The following GAB3 variants were observed in gnomAD, a reference collection of about 807,000 sequenced individuals.
GAB3 encodes the protein GRB2-associated-binding protein 3.
A neutral mutation model predicts 40.4 loss-of-function variants in GAB3; 12 were observed. That is an observed-to-expected ratio of 0.30 (90% CI 0.19 to 0.48). GAB3 has a LOEUF of 0.48. Among genes scored for constraint, GAB3 ranks in the 20% least tolerant of loss-of-function variants. GAB3 has a pLI of 0.99. For synonymous variants in GAB3, 154 were observed against 176.7 expected (o/e 0.87, Z 1.02); for missense variants, 381 against 461.9 (o/e 0.82, Z 1.61).
chrX:154,730,771 T>C (rs1173873542), intron 1 of GAB3, among the ~76,000 whole-genome samples: 1 of 112,133 alleles, frequency 8.9e-6, no homozygotes, highest in Non-Finnish European at 1.9e-5. Flanking sequence ...CCTGGCTCAA[T>C]GCCACTAGCC....
At chrX:154,686,314 T>C (rs1477994551) in intron 8 of GAB3, among the ~76,000 whole-genome samples, 1 of 108,968 alleles carries the variant, frequency 9.2e-6, no homozygotes, top group Non-Finnish European at 1.9e-5. Context: ...CAAGACTGGC[T>C]TAAAGCCTGG....
At chrX:154,682,475 G>A (rs1439595775) in intron 8 of GAB3, among the ~76,000 whole-genome samples, 2 of 111,331 alleles carry the variant, frequency 1.8e-5, no homozygotes, top group African/African-American at 3.3e-5. Context: ...TATGAGGTTA[G>A]AGAAAATTCC....
intron 5 of GAB3, 60 bp from the exon 6 acceptor site, chrX:154,699,573 G>A: frequency 2.0e-6 from 2 of 999,989 alleles, no homozygotes; most frequent in Non-Finnish European, 2.8e-6. Context: ...TGCTATCAGA[G>A]GGCGGCCAAA....
In GAB3 at chrX:154,716,258, G is replaced by A; in HGVS notation, c.144C>T (p.Tyr48=). Reference sequence around the variant, plus strand: ...TGGGCTTGCTGGAGTGCTTGTTCCTGTAGTACTCCAAGACATCGGGGTTGC... The same window carrying A: ...TGGGCTTGCTGGAGTGCTTGTTCCTATAGTACTCCAAGACATCGGGGTTGC... ...MSGNPDVLEY[Y]RNKHSSKPIR... is the part of the protein sequence containing the mutation. The change falls in exon 2 of 10, where the codon TAC becomes TAT. Residue 48 remains tyrosine (Y), a synonymous_variant. Transcript: ENST00000424127. The A allele has an allele frequency of 8.2e-7, 1 of 1,212,191 alleles. No individual in the cohort carries two copies. Among genetic ancestry groups the A allele is most frequent in the Non-Finnish European group, 1.1e-6 (1 of 895,208 alleles).
chrX:154,676,607 C>T lies in GAB3; in HGVS notation c.*1571G>A, dbSNP rs1446023113. The T allele has an allele frequency of 1.8e-5, 2 of 112,138 alleles. No individual in the cohort carries two copies. Among genetic ancestry groups the T allele is most frequent in the East Asian group, 5.6e-4 (2 of 3,596 alleles). 9.2% of individuals were successfully genotyped at this position (112,138 alleles called of 1,213,427 possible). ...CCTGCTTCTTTGAAAATCAAAACGG[C>T]TTCTTTGAAAATCAAAATGACTTCT... On this transcript the variant is annotated 3_prime_UTR_variant, in exon 10 of 10. Transcript: ENST00000424127.
intron 9 of GAB3, 134 bp downstream of exon 9, chrX:154,679,998 G>A (rs2070352053): frequency 3.0e-5 from 14 of 473,306 alleles, no homozygotes; most frequent in Admixed American, 1.3e-4. Flanking sequence ...GATGAGGGCC[G>A]ATTTTAATAT....
At chrX:154,706,090 G>C (rs1245991736) in intron 4 of GAB3, among the ~76,000 whole-genome samples, 1 of 111,771 alleles carries the variant, frequency 8.9e-6, no homozygotes, top group Non-Finnish European at 1.9e-5. Context: ...GAATTGAAGA[G>C]GACACAAACA....
chrX:154,716,049 A>C lies in GAB3; in HGVS notation c.353T>G (p.Leu118Arg), dbSNP rs1255053687. 1.7e-6 allele frequency: 2 copies of C among 1,210,071 alleles called. No homozygotes were observed. The highest frequency in any genetic ancestry group is 2.2e-6 in the Non-Finnish European group (2 of 894,863). ...ACCTGCACCATCCTCCAGGTGGCCA[A>C]GGTTGCAGACCTGACTGATGCTGTG... The part of the protein sequence containing the change: ...WVHSISQVCN[L>R]GHLEDGAADS... The change falls in exon 2 of 10, where the codon CTT becomes CGT. Residue 118 changes from leucine to arginine, a missense_variant. Physicochemically the swap from Leu to Arg is moderately radical, Grantham distance 102 (BLOSUM62 -2). Coordinates refer to ENST00000424127, the MANE Select transcript of GAB3 (RefSeq NM_001081573.3).
chrX:154,730,051 G>A lies in GAB3; in HGVS notation c.73-13722C>T, dbSNP rs182876781. Among the ~76,000 whole-genome samples, 9 of 112,149 alleles carry A rather than the reference G, an allele frequency of 8.0e-5. No individual in the cohort carries two copies. In the East Asian group the frequency reaches 2.5e-3, roughly 31 times the overall value. ...CCACGCTCTGCAGTTTGCTGTGGGG[G>A]TATCTGCAGGGAAACAGTCATGTGC... On this transcript the variant is annotated intron_variant, in intron 1 of 9. Coordinates refer to ENST00000424127, the MANE Select transcript of GAB3 (RefSeq NM_001081573.3).
chrX:154,699,876 T>TCCCC, intron 5 of GAB3, 128 bp downstream of exon 5: 1 of 586,383 alleles, frequency 1.7e-6, no homozygotes, highest in Non-Finnish European at 2.8e-6. Context: ...AGTTCAAGTC[T>TCCCC]TCAGGGGAGA....
intron 1 of GAB3, among the ~76,000 whole-genome samples, chrX:154,719,857 T>A (rs1267298719): frequency 9.0e-6 from 1 of 111,564 alleles, no homozygotes; most frequent in African/African-American, 3.3e-5. Context: ...TGAAGCTTTT[T>A]ACAGTGAAAC....
chrX:154,735,942 C>T (rs1557260477), intron 1 of GAB3, among the ~76,000 whole-genome samples: 1 of 112,299 alleles, frequency 8.9e-6, no homozygotes, highest in African/African-American at 3.2e-5. Context: ...TTGTCCATCC[C>T]CTCCCATGAT....
chrX:154,739,988 T>A (rs2071414177), intron 1 of GAB3, among the ~76,000 whole-genome samples: 1 of 112,811 alleles, frequency 8.9e-6, no homozygotes. Flanking sequence ...TATCATCTAT[T>A]GATTTTTCAA....
At chrX:154,712,786 C>T (rs185978397) in intron 3 of GAB3, 85 bp from the exon 4 acceptor site, 1 of 532,268 alleles carries the variant, frequency 1.9e-6, no homozygotes, top group Admixed American at 4.6e-5. Flanking sequence ...CCCATCTCCC[C>T]AGTACCACCT....
chrX:154,682,886 G>A (rs1557247072), intron 8 of GAB3, among the ~76,000 whole-genome samples: 3 of 111,545 alleles, frequency 2.7e-5, no homozygotes. Flanking sequence ...GCTGAGGCAG[G>A]AGAATTGCTT....
At chrX:154,694,465 C>G (rs2070621823) in intron 8 of GAB3, among the ~76,000 whole-genome samples, 1 of 109,856 alleles carries the variant, frequency 9.1e-6, no homozygotes, top group South Asian at 3.9e-4. Flanking sequence ...CGACTCACTG[C>G]AAGCTCTGCC....
intron 1 of GAB3, 41 bp downstream of exon 1, chrX:154,750,913 C>G (rs2071604915): frequency 7.9e-6 from 6 of 764,053 alleles, no homozygotes; most frequent in South Asian, 6.5e-5. Flanking sequence ...GCGGGTGCCC[C>G]GGGACGCGAA....
At chrX:154,748,313 T>G (rs1231585938) in intron 1 of GAB3, among the ~76,000 whole-genome samples, 2 of 111,397 alleles carry the variant, frequency 1.8e-5, no homozygotes, top group African/African-American at 3.3e-5. Context: ...ATTATATATT[T>G]TCTGAAAAAT....
At chrX:154,729,868 T>C (rs782362281) in intron 1 of GAB3, among the ~76,000 whole-genome samples, 24 of 111,790 alleles carry the variant, frequency 2.1e-4, no homozygotes, top group African/African-American at 7.5e-4. Context: ...GGCTCCCCCA[T>C]TCAGTGTTCA....
Sources: gnomAD v4.1 joint callset for allele counts (sites outside exome capture counted in the v4.1 genomes callset) on GRCh38, gnomAD v4.1.1 for gene constraint, MANE v1.5 for transcripts, NCBI Gene and HGNC (gene_info 2026-07-23, HGNC 2026-07-21) for gene names.